Variants in CSMD1 observed in about 807,000 individuals in gnomAD.
The protein encoded by CSMD1 is CUB and Sushi multiple domains 1.
Under a neutral mutation model 417.5 loss-of-function variants are expected in CSMD1, and 213 were observed. The ratio of observed to expected loss-of-function variants is 0.51; its 90% CI spans 0.46 to 0.57. The LOEUF is 0.57. CSMD1 is among the 20% of genes least tolerant of loss of function. The probability of loss-of-function intolerance (pLI) is 0.00; values close to 1 mark genes in which losing one functional copy is unlikely to be tolerated. For missense variants in CSMD1, 6,923 were observed against 4,529.7 expected, an observed-to-expected ratio of 1.53 and a Z score of -15.17; for synonymous variants, 2,862 against 1,736.8, an observed-to-expected ratio of 1.65 and a Z score of -16.11.
chr8:2,992,517 G>A (rs1055260494), intron 54 of CSMD1, among the ~76,000 whole-genome samples: 2 of 151,858 alleles, frequency 1.3e-5, no homozygotes, highest in African/African-American at 4.8e-5. Context: ...TCTGCCTTCT[G>A]GATTCAAGCA....
At chr8:4,035,695 T>C (rs1475704549) in intron 3 of CSMD1, among the ~76,000 whole-genome samples, 1 of 152,246 alleles carries the variant, frequency 6.6e-6, no homozygotes, top group Non-Finnish European at 1.5e-5. Context: ...GTGCAAGGTT[T>C]ATGTTTTCAG....
chr8:4,906,585 C>A (rs370860637), intron 1 of CSMD1, among the ~76,000 whole-genome samples: 10 of 6,892 alleles, frequency 1.5e-3, no homozygotes, highest in African/African-American at 4.0e-3. Context: ...GCTTTTTTTT[C>A]CCCCACTTTG....
At chr8:3,989,181 G>C (rs1028010047) in intron 5 of CSMD1, among the ~76,000 whole-genome samples, 3 of 152,182 alleles carry the variant, frequency 2.0e-5, no homozygotes, top group Non-Finnish European at 2.9e-5. Flanking sequence ...ATTTGCTCTA[G>C]TTAGCAGCTC....
At position 3,929,033 on chromosome 8, in the gene CSMD1, G is replaced by A. The variant is rs1440627773; in HGVS notation, c.818+68870C>T. Among the ~76,000 whole-genome samples the A allele has an allele frequency of 1.3e-5, 2 of 150,372 alleles. 1 individual carries two copies. The highest frequency in any genetic ancestry group is 3.0e-5 in the Non-Finnish European group (2 of 67,530). On this transcript the variant is annotated intron_variant, in intron 5 of 69. Transcript: ENST00000635120. Reference sequence around the variant, plus strand: ...TTTTGGTTTCCCTGTAACTCTCAGGGCCATCAGCATTGCCATCTACTAATT... The same window carrying A: ...TTTTGGTTTCCCTGTAACTCTCAGGACCATCAGCATTGCCATCTACTAATT...
chr8:4,898,182 G>T (rs543511111), intron 1 of CSMD1, among the ~76,000 whole-genome samples: 1 of 152,106 alleles, frequency 6.6e-6, no homozygotes. Context: ...AATGCCCAGC[G>T]TGCATTGCTA....
At chr8:4,059,302 G>A (rs537890420) in intron 3 of CSMD1, among the ~76,000 whole-genome samples, 40 of 139,668 alleles carry the variant, frequency 2.9e-4, no homozygotes, top group Admixed American at 9.3e-4. Context: ...ACTGTGTAGA[G>A]TGAAATTTAT....
At chr8:2,993,861 G>A (rs1162913416) in intron 54 of CSMD1, among the ~76,000 whole-genome samples, 4 of 151,702 alleles carry the variant, frequency 2.6e-5, no homozygotes, top group Admixed American at 6.6e-5. Context: ...TATCGTCAAC[G>A]GTTGTTCTGA....
At chr8:4,887,903 T>G (rs777018366) in intron 1 of CSMD1, among the ~76,000 whole-genome samples, 1 of 152,036 alleles carries the variant, frequency 6.6e-6, no homozygotes, top group South Asian at 2.1e-4. Flanking sequence ...TTCTTTTACT[T>G]GAACATACAC....
chr8:3,839,363 T>A, intron 5 of CSMD1, among the ~76,000 whole-genome samples: 1 of 80,806 alleles, frequency 1.2e-5, no homozygotes, highest in East Asian at 3.9e-4. Flanking sequence ...AATATTAATA[T>A]ATACTCTCTC....
chr8:4,366,477 G>C (rs143268722), intron 3 of CSMD1, among the ~76,000 whole-genome samples: 2 of 152,120 alleles, frequency 1.3e-5, no homozygotes, highest in African/African-American at 4.8e-5. Flanking sequence ...TAGTAGTCCT[G>C]TTTTAAGTTC....
At chr8:3,400,613 C>A (rs971603761) in intron 15 of CSMD1, among the ~76,000 whole-genome samples, 4 of 151,866 alleles carry the variant, frequency 2.6e-5, no homozygotes, top group African/African-American at 9.6e-5. Context: ...TTTGAAGTAA[C>A]GTTTGGAAAT....
chr8:3,754,079 A>C (rs778105865), intron 5 of CSMD1, 37 bp from the exon 6 acceptor site: 1 of 1,413,408 alleles, frequency 7.1e-7, no homozygotes, highest in Admixed American at 1.7e-5. Flanking sequence ...CTCCCTTGTA[A>C]ACCAACAGAG....
At chr8:3,539,807 G>T (rs1041448534) in intron 10 of CSMD1, among the ~76,000 whole-genome samples, 1 of 150,108 alleles carries the variant, frequency 6.7e-6, no homozygotes, top group Non-Finnish European at 1.5e-5. Flanking sequence ...TACAAAAAAG[G>T]AAAGAAAACT....
chr8:4,816,785 C>G (rs1406919935), intron 1 of CSMD1, among the ~76,000 whole-genome samples: 1 of 152,030 alleles, frequency 6.6e-6, no homozygotes, highest in African/African-American at 2.4e-5. Context: ...GATGAAGGAA[C>G]AGGAAAAGAT....
intron 3 of CSMD1, among the ~76,000 whole-genome samples, chr8:4,231,239 G>T (rs1801708542): frequency 6.6e-6 from 1 of 152,162 alleles, no homozygotes; most frequent in African/African-American, 2.4e-5. Context: ...TGAGGTTACT[G>T]CCGCCATCAT....
At chr8:3,265,520 G>A (rs936586145) in intron 26 of CSMD1, among the ~76,000 whole-genome samples, 18 of 152,174 alleles carry the variant, frequency 1.2e-4, no homozygotes, top group African/African-American at 3.9e-4. Flanking sequence ...GGAGAAGGGA[G>A]TGAGTCTTAG....
chr8:3,751,366 A>T (rs562745112), intron 6 of CSMD1, among the ~76,000 whole-genome samples: 41 of 148,080 alleles, frequency 2.8e-4, no homozygotes, highest in African/African-American at 9.9e-4. Context: ...CTACATCTAT[A>T]TATAAATTAT....
At chr8:2,973,481 T>A (rs1372693580) in intron 56 of CSMD1, among the ~76,000 whole-genome samples, 182 bp from the exon 57 acceptor site, 3 of 152,170 alleles carry the variant, frequency 2.0e-5, no homozygotes, top group Non-Finnish European at 4.4e-5. Context: ...ATGAAAAGAA[T>A]TTAGGATGTG....
intron 1 of CSMD1, among the ~76,000 whole-genome samples, chr8:4,914,540 T>C (rs1302694510): frequency 2.8e-5 from 4 of 143,928 alleles, no homozygotes; most frequent in Admixed American, 7.2e-5. Flanking sequence ...ATCGCGCCAC[T>C]GCACTCCAGC....
Sources: gnomAD v4.1 joint callset for allele counts (sites outside exome capture counted in the v4.1 genomes callset) on GRCh38, gnomAD v4.1.1 for gene constraint, MANE v1.5 for transcripts, NCBI Gene and HGNC (gene_info 2026-07-23, HGNC 2026-07-21) for gene names.